SDSL: variants seen among roughly 807,000 people sequenced by gnomAD.
SDSL encodes serine dehydratase-like.
A neutral mutation model predicts 27.6 loss-of-function variants in SDSL; 26 were observed. The observed-to-expected ratio is 0.94, with a 90% CI of 0.69 to 1.31. The LOEUF is 1.31. SDSL is among the 50% of genes most tolerant of loss of function. SDSL has a pLI of 0.00. For missense variants in SDSL, 431 were observed against 423.5 expected (o/e 1.02, Z -0.16); for synonymous variants, 196 against 180.6 (o/e 1.09, Z -0.69).
chr12:113,436,027 G>A (rs752450435), intron 6 of SDSL, among the ~76,000 whole-genome samples: 28 of 152,100 alleles, frequency 1.8e-4, no homozygotes, highest in Non-Finnish European at 3.8e-4. Flanking sequence ...AGGCTGAAAC[G>A]GAAGGTTTGC....
At chr12:113,426,321 A>G (rs1593308872) in intron 1 of SDSL, 1 of 446,902 alleles carries the variant, frequency 2.2e-6, no homozygotes, top group African/African-American at 2.0e-5. Flanking sequence ...GAGTTAAAAG[A>G]CCCCTCAGCC....
intron 1 of SDSL, among the ~76,000 whole-genome samples, chr12:113,423,974 G>C (rs890333789): frequency 3.3e-5 from 5 of 152,054 alleles, no homozygotes; most frequent in Non-Finnish European, 7.4e-5. Flanking sequence ...TTGTGTGGTT[G>C]GTTGGTTCTC....
In SDSL at chr12:113,429,230, C is replaced by T. The variant is rs768332846; in HGVS notation, c.285C>T (p.Pro95=). 1.1e-5 allele frequency: 18 copies of T among 1,613,646 alleles called. No individual in the cohort carries two copies. The Middle Eastern group carries it at 4.9e-4, about 44-fold the overall frequency. Residue 95 remains proline (P), a synonymous_variant, in exon 4 of 8, where the codon CCC becomes CCT. Transcript: ENST00000403593. The part of the protein sequence containing the change: ...KLGIPATIVL[P]ESTSLQVVQR... ...GCATTCCTGCCACCATCGTGCTCCC[C>T]GAGAGCACCTCCCTGCAGGTGGTGC...
chr12:113,425,747 C>A (rs1393488156), intron 1 of SDSL: 1 of 455,836 alleles, frequency 2.2e-6, no homozygotes, highest in Non-Finnish European at 4.4e-6. Flanking sequence ...AGTCCCAGCA[C>A]TTCGGGAGGC....
Position 113,436,763 on chromosome 12 carries a change from C to A in SDSL, c.684C>A (p.Ser228Arg). ...TLPDITSVAK[S>R]LGAKTVAARA... ...CTCTATCCTGCAGTGTGGCCAAGAG[C>A]CTGGGTGCCAAGACGGTGGCCGCTC... Residue 228 changes from serine (S) to arginine (R), a missense_variant, in exon 7 of 8, where the codon AGC becomes AGA. Ser to Arg is a moderately radical substitution (Grantham distance 110). Transcript: ENST00000403593. 1 of 1,592,344 alleles carries A rather than the reference C, an allele frequency of 6.3e-7. No individual in the cohort carries two copies. Among genetic ancestry groups the A allele is most frequent in the South Asian group, 1.1e-5 (1 of 90,300 alleles).
intron 1 of SDSL, chr12:113,426,026 C>T: frequency 2.6e-6 from 1 of 388,148 alleles, no homozygotes; most frequent in South Asian, 1.9e-5. Flanking sequence ...ACCACCTCCA[C>T]CACCACCTCC....
chr12:113,427,864 A>G (rs1957868001), intron 1 of SDSL, 98 bp from the exon 2 acceptor site: 1 of 1,091,940 alleles, frequency 9.2e-7, no homozygotes, highest in Admixed American at 2.5e-5. Flanking sequence ...AGTGAAGGGC[A>G]CCTAAGCCAA....
In SDSL at chr12:113,434,114, G is replaced by A. The variant is rs368989641; in HGVS notation, c.355-20G>A. On this transcript the variant is annotated intron_variant, in intron 4 of 7. Coordinates refer to ENST00000403593, the MANE Select transcript of SDSL (RefSeq NM_001304993.2). ...CAGTCCCACTCCCGGCTGTTCTGAGGGCCCTTGGTTTCTCTGTAGGTCTGG... is the reference window on the plus strand; with the variant it reads ...CAGTCCCACTCCCGGCTGTTCTGAGAGCCCTTGGTTTCTCTGTAGGTCTGG... 1.1e-4 allele frequency: 169 copies of A among 1,607,820 alleles called. No homozygotes were observed. Among genetic ancestry groups the A allele is most frequent in the Non-Finnish European group, 1.4e-4 (165 of 1,175,852 alleles).
At chr12:113,425,814 C>T in intron 1 of SDSL, 1 of 429,854 alleles carries the variant, frequency 2.3e-6, no homozygotes, top group South Asian at 1.7e-5. Context: ...ATGGTGAAAC[C>T]CCGTCTCTAC....
At chr12:113,433,364 C>T (rs11831260) in intron 4 of SDSL, among the ~76,000 whole-genome samples, 2,828 of 152,276 alleles carry the variant, frequency 0.019, 65 homozygotes, top group African/African-American at 0.051. Context: ...CCATTGTCTA[C>T]CATTTAGTTT....
intron 4 of SDSL, among the ~76,000 whole-genome samples, 194 bp downstream of exon 4, chr12:113,429,493 G>T (rs1490493455): frequency 2.6e-5 from 4 of 152,150 alleles, no homozygotes; most frequent in African/African-American, 9.7e-5. Flanking sequence ...ACTTTCCTCT[G>T]CCCACCCTGA....
intron 6 of SDSL, among the ~76,000 whole-genome samples, 166 bp from the exon 7 acceptor site, chr12:113,436,585 G>A (rs1359897467): frequency 3.3e-5 from 5 of 152,106 alleles, no homozygotes; most frequent in African/African-American, 4.8e-5. Context: ...CACTGCGCCC[G>A]GCAAGGACAC....
intron 1 of SDSL, among the ~76,000 whole-genome samples, chr12:113,424,991 C>T (rs892607588): frequency 3.9e-5 from 6 of 152,214 alleles, no homozygotes; most frequent in African/African-American, 1.4e-4. Flanking sequence ...CCGCCTCAGC[C>T]TCCCAAAGTG....
At chr12:113,432,290 TTC>T (rs780184672) in intron 4 of SDSL, among the ~76,000 whole-genome samples, 5 of 104,084 alleles carry the variant, frequency 4.8e-5, no homozygotes, top group African/African-American at 1.2e-4. Flanking sequence ...CTTTCTTTCT[TTC>T]TCTCTCTCTC....
At chr12:113,428,610 C>T in intron 3 of SDSL, 151 bp downstream of exon 3, 1 of 651,472 alleles carries the variant, frequency 1.5e-6, no homozygotes, top group Admixed American at 3.2e-5. Context: ...CCCATCCTAG[C>T]CTTCTCCCAT....
Position 113,428,433 on chromosome 12 carries a change from G to A in SDSL, c.188G>A (p.Gly63Glu). ...TTCTCTTCCCAGATGGCCAAGAAGG[G>A]ATGCAGACACCTGGTGTGCTCCTCA... ...GHFCQEMAKK[G>E]CRHLVCSSGG... is the part of the protein sequence containing the mutation. Residue 63 changes from glycine (G) to glutamate (E), a missense_variant, in exon 3 of 8, where the codon GGA (glycine) becomes GAA (glutamate). Physicochemically the swap from Gly to Glu is moderately conservative, Grantham distance 98. Coordinates refer to ENST00000403593, the MANE Select transcript of SDSL (RefSeq NM_001304993.2). The A allele has an allele frequency of 2.5e-6, 4 of 1,612,452 alleles. No individual in the cohort carries two copies. The highest frequency in any genetic ancestry group is 2.2e-5 in the East Asian group (1 of 44,860).
At chr12:113,431,063 T>C (rs1336152184) in intron 4 of SDSL, among the ~76,000 whole-genome samples, 1 of 152,136 alleles carries the variant, frequency 6.6e-6, no homozygotes, top group African/African-American at 2.4e-5. Flanking sequence ...GGGTTGGGTA[T>C]TGAAGGAGAA....
At chr12:113,424,263 C>G (rs1391406054) in intron 1 of SDSL, among the ~76,000 whole-genome samples, 1 of 152,084 alleles carries the variant, frequency 6.6e-6, no homozygotes, top group Non-Finnish European at 1.5e-5. Flanking sequence ...CTCAGGTGAT[C>G]CGCCTGCCTC....
At chr12:113,431,477 C>G (rs1176086399) in intron 4 of SDSL, among the ~76,000 whole-genome samples, 3 of 151,772 alleles carry the variant, frequency 2.0e-5, no homozygotes, top group Admixed American at 2.0e-4. Flanking sequence ...TTCAGGGATA[C>G]ATGTGCAGGT....
Sources: gnomAD v4.1 joint callset for allele counts (sites outside exome capture counted in the v4.1 genomes callset) on GRCh38, gnomAD v4.1.1 for gene constraint, MANE v1.5 for transcripts, NCBI Gene and HGNC (gene_info 2026-07-23, HGNC 2026-07-21) for gene names.